The following IPO8 variants were observed in gnomAD, a reference collection of about 807,000 sequenced individuals.
The protein encoded by IPO8 is importin 8, also known as importin-8.
A neutral mutation model predicts 141.2 loss-of-function variants in IPO8; 65 were observed. The ratio of observed to expected loss-of-function variants is 0.46; its 90% CI spans 0.38 to 0.57. The LOEUF is 0.57. Ranked by LOEUF, IPO8 falls within the 20% of genes least tolerant of loss-of-function variation. The pLI, the probability that IPO8 is intolerant of heterozygous loss-of-function variation, is 0.00. For synonymous variants in IPO8, 411 were observed against 420.3 expected, an observed-to-expected ratio of 0.98 and a Z score of 0.27; for missense variants, 980 against 1,246.8, an observed-to-expected ratio of 0.79 and a Z score of 3.22.
At position 30,639,690 on chromosome 12, in the gene IPO8, C is replaced by T. The variant is rs2052551128; in HGVS notation, c.2314G>A (p.Gly772Arg). 3 of 1,613,964 alleles carry T rather than the reference C, an allele frequency of 1.9e-6. No individual in the cohort carries two copies. Among genetic ancestry groups the T allele is most frequent in the Admixed American group, 3.3e-5 (2 of 59,988 alleles). Residue 772 changes from glycine to arginine, a missense_variant, in exon 21 of 25, where the codon GGG (glycine) becomes AGG (arginine). Around this residue, in one of 3 missense-constraint regions of IPO8, gnomAD observed 924 missense variants for 1,153.9 expected, o/e 0.80. Coordinates refer to ENST00000256079, the MANE Select transcript of IPO8 (RefSeq NM_006390.4). ...GTACGAAGCTCACTAGTTTTGACCC[C>T]TCGAGTTAATCTCTCCAAAACAAGT... is the stretch of plus-strand genomic sequence containing the variant. ...VQLVLERLTR[G>R]VKTSELRTMC...
chr12:30,663,497 T>C lies in IPO8; in HGVS notation c.1586A>G (p.Gln529Arg). ...ALALQSLISN[Q>R]IQAKEYMKPH... ...AGGTATTTTGGCTTTACCTTGTATC[T>C]GGTTAGAAATTAAAGACTGAAGAGC... The change falls in exon 14 of 25, where the codon CAG becomes CGG. Residue 529 changes from glutamine to arginine, a missense_variant. Physicochemically the swap from Gln to Arg is conservative, Grantham distance 43 (BLOSUM62 1). Around this residue, in one of 3 missense-constraint regions of IPO8, gnomAD observed 924 missense variants for 1,153.9 expected, o/e 0.80. Transcript: ENST00000256079. 1.2e-6 allele frequency: 2 copies of C among 1,609,174 alleles called. No homozygotes were observed. Among genetic ancestry groups the C allele is most frequent in the South Asian group, 2.2e-5 (2 of 89,904 alleles).
At chr12:30,634,430 C>A in intron 22 of IPO8, 144 bp from the exon 23 acceptor site, 1 of 619,014 alleles carries the variant, frequency 1.6e-6, no homozygotes, top group Non-Finnish European at 2.7e-6. Flanking sequence ...AAATCTTATC[C>A]CTGGTCTAAA....
chr12:30,682,680 TG>T (rs1197414801), intron 3 of IPO8, among the ~76,000 whole-genome samples: 1 of 152,082 alleles, frequency 6.6e-6, no homozygotes, highest in Non-Finnish European at 1.5e-5. Context: ...CATTTTCAAA[TG>T]GTTAGAAAAC....
chr12:30,688,058 C>T (rs914047292), intron 2 of IPO8, among the ~76,000 whole-genome samples: 3 of 152,044 alleles, frequency 2.0e-5, no homozygotes, highest in African/African-American at 7.2e-5. Context: ...GAAAAAAGTA[C>T]ATTTCTGAGC....
At chr12:30,679,742 T>TTTGAGC (rs1012877316) in intron 5 of IPO8, among the ~76,000 whole-genome samples, 2 of 152,202 alleles carry the variant, frequency 1.3e-5, no homozygotes, top group South Asian at 4.1e-4. Context: ...TATCATGGTT[T>TTTGAGC]TTGAGCTCAA....
intron 20 of IPO8, among the ~76,000 whole-genome samples, chr12:30,644,793 C>CA (rs1365366965): frequency 2.0e-5 from 3 of 151,828 alleles, no homozygotes; most frequent in Non-Finnish European, 4.4e-5. Flanking sequence ...GCTGGGATTA[C>CA]AGGCGCATGC....
intron 16 of IPO8, among the ~76,000 whole-genome samples, chr12:30,657,469 G>C (rs1441475532): frequency 2.6e-5 from 4 of 152,100 alleles, no homozygotes; most frequent in Non-Finnish European, 5.9e-5. Context: ...ACACAATGAA[G>C]GACAAGTTGG....
intron 1 of IPO8, among the ~76,000 whole-genome samples, chr12:30,692,114 A>G (rs1389011914): frequency 6.6e-6 from 1 of 152,246 alleles, no homozygotes; most frequent in African/African-American, 2.4e-5. Flanking sequence ...AAATACTGAA[A>G]GATCTTGTCA....
intron 8 of IPO8, 52 bp from the exon 9 acceptor site, chr12:30,671,148 G>T: frequency 1.6e-6 from 2 of 1,268,574 alleles, no homozygotes; most frequent in Non-Finnish European, 2.2e-6. Flanking sequence ...AAGGTTAAAA[G>T]GGGGAGGTGC....
At chr12:30,643,548 G>A (rs1480061708) in intron 20 of IPO8, among the ~76,000 whole-genome samples, 1 of 152,164 alleles carries the variant, frequency 6.6e-6, no homozygotes, top group African/African-American at 2.4e-5. Context: ...TGGGAGGTGG[G>A]GCCTAGTGGG....
chr12:30,675,815 G>C (rs1328741935), intron 6 of IPO8, among the ~76,000 whole-genome samples: 1 of 149,028 alleles, frequency 6.7e-6, no homozygotes, highest in East Asian at 2.0e-4. Flanking sequence ...CTGCACTCCA[G>C]CCTGGGTGAC....
chr12:30,649,275 T>C (rs756435078), intron 19 of IPO8, 43 bp from the exon 20 acceptor site: 9 of 1,375,306 alleles, frequency 6.5e-6, no homozygotes, highest in South Asian at 4.8e-5. Flanking sequence ...TGGCACTGCA[T>C]AGAGGTTAAT....
At chr12:30,691,150 G>C (rs1320500400) in intron 1 of IPO8, among the ~76,000 whole-genome samples, 1 of 152,030 alleles carries the variant, frequency 6.6e-6, no homozygotes, top group Non-Finnish European at 1.5e-5. Context: ...CTTCAATTTT[G>C]TTTATGGTAT....
At chr12:30,667,960 AC>A (rs917502075) in intron 10 of IPO8, among the ~76,000 whole-genome samples, 1 of 152,106 alleles carries the variant, frequency 6.6e-6, no homozygotes, top group African/African-American at 2.4e-5. Flanking sequence ...ATACAGGGAG[AC>A]CCTGTCTCTG....
chr12:30,664,658 C>A (rs1229958301), intron 13 of IPO8, among the ~76,000 whole-genome samples: 1 of 152,142 alleles, frequency 6.6e-6, no homozygotes, highest in Admixed American at 6.5e-5. Context: ...ATAAAATCAC[C>A]TTTCTCATTT....
intron 16 of IPO8, among the ~76,000 whole-genome samples, chr12:30,659,787 G>A (rs1267938807): frequency 4.6e-5 from 7 of 150,856 alleles, no homozygotes; most frequent in East Asian, 2.0e-4. Flanking sequence ...TCCAGGAGAC[G>A]GAGCTTGCAG....
In IPO8 at chr12:30,675,725, T is replaced by C. The variant is rs567660729; in HGVS notation, c.729+773A>G. Among the ~76,000 whole-genome samples the C allele has an allele frequency of 1.8e-3, 266 of 149,854 alleles. 1 individual carries two copies. The highest frequency in any genetic ancestry group is 6.3e-3 in the African/African-American group (255 of 40,688). ...CGGGCGTGGTGGCGAGCACCTGTAG[T>C]CCCAGCTACTCAGGAGGCTGAGGCA... On this transcript the variant is annotated intron_variant, in intron 6 of 24. Transcript: ENST00000256079.
intron 8 of IPO8, among the ~76,000 whole-genome samples, chr12:30,672,060 G>A (rs907948461): frequency 4.6e-5 from 7 of 152,000 alleles, no homozygotes; most frequent in Admixed American, 1.3e-4. Flanking sequence ...TTTAAAAACT[G>A]ATTTAAAAAA....
chr12:30,667,441 G>A (rs985705259), intron 10 of IPO8, among the ~76,000 whole-genome samples: 4 of 152,172 alleles, frequency 2.6e-5, no homozygotes, highest in African/African-American at 9.7e-5. Context: ...GGAGATGTTG[G>A]TTAAAGAGTA....
Sources: gnomAD v4.1 joint callset for allele counts (sites outside exome capture counted in the v4.1 genomes callset) on GRCh38, gnomAD v4.1.1 for gene constraint, gnomAD v4.1.1 regional missense constraint, MANE v1.5 for transcripts, NCBI Gene and HGNC (gene_info 2026-07-23, HGNC 2026-07-21) for gene names.